Variants in TRPM3 observed in about 807,000 individuals in gnomAD.
TRPM3 encodes transient receptor potential cation channel subfamily M member 3.
TRPM3 carries 77 observed loss-of-function variants against 181.2 expected under a neutral mutation model. The ratio of observed to expected loss-of-function variants is 0.42; its 90% CI spans 0.35 to 0.51. TRPM3 has a LOEUF of 0.51. Ranked by LOEUF, TRPM3 falls within the 20% of genes least tolerant of loss-of-function variation. TRPM3 has a pLI of 0.01. For missense variants in TRPM3, 1,759 were observed against 2,196.7 expected (o/e 0.80, Z 3.98); for synonymous variants, 745 against 796.4 (o/e 0.94, Z 1.09).
chr9:70,743,446 C>A (rs146185638), intron 8 of TRPM3, among the ~76,000 whole-genome samples: 2 of 152,030 alleles, frequency 1.3e-5, no homozygotes, highest in African/African-American at 4.8e-5. Context: ...AAACATATCT[C>A]GGAAAACAAA....
At chr9:70,975,950 T>C (rs769181195) in intron 1 of TRPM3, among the ~76,000 whole-genome samples, 3 of 152,198 alleles carry the variant, frequency 2.0e-5, no homozygotes, top group African/African-American at 7.2e-5. Flanking sequence ...GCGTCAAGCA[T>C]AGTGGATACG....
intron 1 of TRPM3, among the ~76,000 whole-genome samples, chr9:70,965,527 T>C (rs981635082): frequency 1.3e-5 from 2 of 152,144 alleles, no homozygotes; most frequent in Non-Finnish European, 2.9e-5. Flanking sequence ...CTGCATTTAT[T>C]GAGACAACCA....
intron 1 of TRPM3, among the ~76,000 whole-genome samples, chr9:70,970,058 C>T (rs571639948): frequency 2.0e-5 from 3 of 152,010 alleles, no homozygotes; most frequent in Admixed American, 6.6e-5. Context: ...TATCATCAGA[C>T]AGAGTTGTGT....
chr9:71,029,070 C>T (rs2056956798), intron 1 of TRPM3, among the ~76,000 whole-genome samples: 1 of 151,858 alleles, frequency 6.6e-6, no homozygotes, highest in Admixed American at 6.6e-5. Flanking sequence ...GAAATTATAC[C>T]AACCACTCTC....
chr9:71,192,518 G>C (rs1025429031), intron 1 of TRPM3, among the ~76,000 whole-genome samples: 1 of 151,870 alleles, frequency 6.6e-6, no homozygotes, highest in African/African-American at 2.4e-5. Context: ...TAGTGATGTT[G>C]AGCATGTTTT....
In TRPM3 at chr9:70,864,463, G is replaced by A. The variant is rs767653949; in HGVS notation, c.226C>T (p.His76Tyr). Residue 76 changes from histidine to tyrosine, a missense_variant, in exon 2 of 26, where the codon CAC (histidine) becomes TAC (tyrosine). By Grantham distance (83) the His-to-Tyr change is moderately conservative. Transcript: ENST00000677713. ...GGGTCTTTGGTGCTGGGTATGATGTGGACACATTCTCTTTTATAAAATGCT... is the reference window on the plus strand; with the variant it reads ...GGGTCTTTGGTGCTGGGTATGATGTAGACACATTCTCTTTTATAAAATGCT... ...ERAFYKRECV[H>Y]IIPSTKDPHR... 3 of 1,479,932 alleles carry A rather than the reference G, an allele frequency of 2.0e-6. No homozygotes were observed. Among genetic ancestry groups the A allele is most frequent in the Non-Finnish European group, 1.8e-6 (2 of 1,122,556 alleles). The allele number at this position is 1,479,932 out of a possible 1,614,324, so 91.7% of individuals were successfully genotyped here.
At chr9:70,765,307 C>A (rs746651831) in intron 7 of TRPM3, among the ~76,000 whole-genome samples, 1 of 152,096 alleles carries the variant, frequency 6.6e-6, no homozygotes, top group Non-Finnish European at 1.5e-5. Flanking sequence ...GGTATATTTG[C>A]GGGCCGGGTT....
chr9:71,228,601 A>G (rs2080848015), intron 1 of TRPM3, among the ~76,000 whole-genome samples: 2 of 152,096 alleles, frequency 1.3e-5, no homozygotes, highest in South Asian at 4.1e-4. Flanking sequence ...GAAAACTTAG[A>G]ACGGATAAAT....
At chr9:70,811,800 T>G (rs1209562230) in intron 6 of TRPM3, among the ~76,000 whole-genome samples, 1 of 152,182 alleles carries the variant, frequency 6.6e-6, no homozygotes, top group Admixed American at 6.5e-5. Flanking sequence ...ACCCAGTTTC[T>G]TTTCTTTTCT....
At chr9:70,795,520 T>C (rs778059536) in intron 6 of TRPM3, among the ~76,000 whole-genome samples, 1 of 152,216 alleles carries the variant, frequency 6.6e-6, no homozygotes, top group Non-Finnish European at 1.5e-5. Context: ...TACCCTCTTA[T>C]GCAGACTGAT....
chr9:71,065,881 G>T (rs187921875), intron 1 of TRPM3, among the ~76,000 whole-genome samples: 1 of 152,148 alleles, frequency 6.6e-6, no homozygotes, highest in South Asian at 2.1e-4. Flanking sequence ...TCTAGAGACT[G>T]ATATGCTAGA....
Position 71,143,012 on chromosome 9 carries a change from T to C in TRPM3, c.184-278501A>G, listed in dbSNP as rs1315686513. On this transcript the variant is annotated intron_variant, in intron 1 of 24. Coordinates refer to the TRPM3 transcript ENST00000357533. ...AAAAAAAGAAAGAAAAAAACAGGCCTGGTGGCACATGCCTGTAGTTCCGGC... is the reference window on the plus strand; with the variant it reads ...AAAAAAAGAAAGAAAAAAACAGGCCCGGTGGCACATGCCTGTAGTTCCGGC... Among the ~76,000 whole-genome samples, 7 of 147,960 alleles carry C rather than the reference T, an allele frequency of 4.7e-5. 1 individual carries two copies. In the South Asian group the frequency reaches 1.5e-3, roughly 32 times the overall value.
chr9:71,398,862 A>T (rs1485827687), intron 1 of TRPM3, among the ~76,000 whole-genome samples: 11 of 152,238 alleles, frequency 7.2e-5, no homozygotes, highest in African/African-American at 2.7e-4. Context: ...ATAAGTAACA[A>T]TACAGTACAT....
chr9:70,547,166 A>C (rs2045197668), intron 25 of TRPM3, among the ~76,000 whole-genome samples: 1 of 152,160 alleles, frequency 6.6e-6, no homozygotes, highest in South Asian at 2.1e-4. Context: ...TGTTGATTTC[A>C]AATCTCTGTT....
intron 1 of TRPM3, among the ~76,000 whole-genome samples, chr9:71,282,922 A>G (rs2084964391): frequency 6.6e-6 from 1 of 152,052 alleles, no homozygotes; most frequent in South Asian, 2.1e-4. Context: ...CCGCTGGACG[A>G]CCATTCTTTC....
intron 9 of TRPM3, among the ~76,000 whole-genome samples, chr9:70,656,916 A>AT (rs2060423325): frequency 7.5e-6 from 1 of 133,122 alleles, no homozygotes; most frequent in Admixed American, 7.7e-5. Flanking sequence ...AAAGAAAGTT[A>AT]TAAAAAAAAG....
intron 1 of TRPM3, among the ~76,000 whole-genome samples, chr9:71,418,204 T>C (rs2093667083): frequency 6.6e-6 from 1 of 151,878 alleles, no homozygotes; most frequent in Non-Finnish European, 1.5e-5. Flanking sequence ...GGGAATCTCC[T>C]TGTGCTGGTT....
At chr9:71,069,936 T>C (rs1221399845) in intron 1 of TRPM3, among the ~76,000 whole-genome samples, 1 of 152,206 alleles carries the variant, frequency 6.6e-6, no homozygotes, top group Non-Finnish European at 1.5e-5. Flanking sequence ...AAAGGTACTT[T>C]AGTGACTTCC....
intron 1 of TRPM3, among the ~76,000 whole-genome samples, chr9:71,227,967 T>C (rs1287097417): frequency 6.6e-6 from 1 of 152,070 alleles, no homozygotes; most frequent in Non-Finnish European, 1.5e-5. Flanking sequence ...GGAGCAAATA[T>C]TTTCAAACTC....
Sources: allele counts gnomAD v4.1 joint callset (sites outside exome capture counted in the v4.1 genomes callset), GRCh38; gene constraint gnomAD v4.1.1; transcripts MANE v1.5; gene names NCBI Gene and HGNC (gene_info 2026-07-23, HGNC 2026-07-21).